Variants in GPD2 observed in about 807,000 individuals in gnomAD.
GPD2 encodes the protein glycerol-3-phosphate dehydrogenase, mitochondrial.
A neutral mutation model predicts 82.4 loss-of-function variants in GPD2; 54 were observed. That is an observed-to-expected ratio of 0.66 (90% CI 0.53 to 0.82). The LOEUF is 0.82. Ranked by LOEUF, GPD2 falls within the 40% of genes least tolerant of loss-of-function variation. The probability of loss-of-function intolerance (pLI) is 0.00; values close to 1 mark genes in which losing one functional copy is unlikely to be tolerated. For synonymous variants in GPD2, 288 were observed against 306.1 expected, an observed-to-expected ratio of 0.94 and a Z score of 0.62; for missense variants, 748 against 896.2, an observed-to-expected ratio of 0.83 and a Z score of 2.11.
intron 13 of GPD2, 74 bp from the exon 14 acceptor site, chr2:156,578,815 T>A: frequency 1.1e-6 from 1 of 871,208 alleles, no homozygotes; most frequent in Non-Finnish European, 2.0e-6. Context: ...TTTCTGAAGA[T>A]CAACAGTAAA....
chr2:156,535,326 GAGAGAGAGAGAGA>G (rs1189176366), intron 6 of GPD2, among the ~76,000 whole-genome samples: 2 of 89,492 alleles, frequency 2.2e-5, no homozygotes, highest in Non-Finnish European at 6.0e-5. Flanking sequence ...ACCTGGGAAA[GAGAGAGAGAGAGA>G]AGAGAGAGAA....
At chr2:156,498,986 G>T (rs184081394) in intron 3 of GPD2, among the ~76,000 whole-genome samples, 211 of 152,224 alleles carry the variant, frequency 1.4e-3, no homozygotes, top group African/African-American at 4.7e-3. Flanking sequence ...AAGGAACAAG[G>T]TCTTGTGAAA....
rs1301426931 is a variant in GPD2 at position 156,585,828 on chromosome 2, G to A, written c.*2910G>A. On this transcript the variant is annotated 3_prime_UTR_variant, in exon 17 of 17. Transcript: ENST00000438166. ...ATGTTTGCATCATGTCAACCTTTTT[G>A]AAGGAGTGAAAAAGCCCTACTATGT... 6.6e-6 allele frequency: 1 copy of A among 152,422 alleles called. No homozygotes were observed. The highest frequency in any genetic ancestry group is 2.4e-5 in the African/African-American group (1 of 41,388). The allele number at this position is 152,422 out of a possible 1,614,324, so 9.4% of individuals were successfully genotyped here.
chr2:156,404,785 C>T, the GPD2 span, among the ~76,000 whole-genome samples: 1 of 147,094 alleles, frequency 6.8e-6, no homozygotes, highest in South Asian at 2.1e-4. Context: ...ACCCAGGAGG[C>T]AGAGATTGCG....
At chr2:156,550,786 A>C in intron 8 of GPD2, 40 bp downstream of exon 8, 1 of 1,553,684 alleles carries the variant, frequency 6.4e-7, no homozygotes, top group Non-Finnish European at 8.9e-7. Context: ...CCCAAAAAAG[A>C]GGGTCAGCAG....
At chr2:156,582,673 TA>T in intron 16 of GPD2, 119 bp from the exon 17 acceptor site, 1 of 1,058,470 alleles carries the variant, frequency 9.4e-7, no homozygotes, top group Non-Finnish European at 1.5e-6. Flanking sequence ...TAGTACTTGT[TA>T]AGGTTTTTGA....
chr2:156,543,438 T>C (rs537186379), intron 6 of GPD2, among the ~76,000 whole-genome samples: 1 of 152,366 alleles, frequency 6.6e-6, no homozygotes, highest in South Asian at 2.1e-4. Context: ...CCCATAAGTC[T>C]GTAACTGTGT....
At chr2:156,499,187 G>T (rs1038868173) in intron 3 of GPD2, among the ~76,000 whole-genome samples, 4 of 152,238 alleles carry the variant, frequency 2.6e-5, no homozygotes, top group Admixed American at 2.6e-4. Flanking sequence ...TCATTGCAGA[G>T]AATGTGACAG....
In GPD2 at chr2:156,554,029, G is replaced by A. The variant is rs185789631; in HGVS notation, c.971+3283G>A. Reference sequence around the variant, plus strand: ...GGAAGCTTTGAAGGAATGGTCTGCAGCCTAGTTCCCATTCAGGCTCTCTTG... The same window carrying A: ...GGAAGCTTTGAAGGAATGGTCTGCAACCTAGTTCCCATTCAGGCTCTCTTG... On this transcript the variant is annotated intron_variant, in intron 8 of 16. Transcript: ENST00000438166. 2.6e-5 allele frequency among the ~76,000 whole-genome samples: 4 copies of A among 152,310 alleles called. No individual in the cohort carries two copies. In the East Asian group the frequency reaches 5.8e-4, roughly 22 times the overall value.
chr2:156,506,441 T>A (rs1194406985), intron 3 of GPD2, among the ~76,000 whole-genome samples: 1 of 152,208 alleles, frequency 6.6e-6, no homozygotes, highest in African/African-American at 2.4e-5. Flanking sequence ...GTACATGTGA[T>A]AACTTTTAAA....
At chr2:156,424,066 A>T in the GPD2 span, among the ~76,000 whole-genome samples, 1 of 152,186 alleles carries the variant, frequency 6.6e-6, no homozygotes, top group East Asian at 1.9e-4. Flanking sequence ...TTAGCTAATA[A>T]AGCAAACAAG....
At chr2:156,540,817 G>A (rs1011918220) in intron 6 of GPD2, among the ~76,000 whole-genome samples, 2 of 152,206 alleles carry the variant, frequency 1.3e-5, no homozygotes, top group Non-Finnish European at 2.9e-5. Context: ...TGGAGAGAGA[G>A]AAAAGGAGTA....
chr2:156,417,464 A>T, the GPD2 span, among the ~76,000 whole-genome samples: 1 of 152,168 alleles, frequency 6.6e-6, no homozygotes, highest in African/African-American at 2.4e-5. Flanking sequence ...TATCTTGTGT[A>T]TTCCAGTTCC....
At chr2:156,492,444 C>CTTT (rs79707384) in intron 2 of GPD2, among the ~76,000 whole-genome samples, 2 of 131,870 alleles carry the variant, frequency 1.5e-5, no homozygotes, top group Non-Finnish European at 1.6e-5. Context: ...TGCACCTGGC[C>CTTT]TTTTTTTTTT....
rs185376522 is a variant in GPD2, at chr2:156,571,798, C to T, written c.1767+506C>T. 4.6e-5 allele frequency among the ~76,000 whole-genome samples: 7 copies of T among 152,238 alleles called. No individual in the cohort carries two copies. In the East Asian group the frequency reaches 1.4e-3, roughly 29 times the overall value. ...ATACATATACACGCACACAAACACA[C>T]ATACAGGGTTAGGCTAAGTAGATCT... On this transcript the variant is annotated intron_variant, in intron 13 of 16. Coordinates refer to ENST00000438166, the MANE Select transcript of GPD2 (RefSeq NM_000408.5).
chr2:156,435,901 G>C (rs1252708612), upstream of GPD2: 1 of 152,394 alleles, frequency 6.6e-6, no homozygotes, highest in Non-Finnish European at 1.5e-5. Flanking sequence ...CAGGAAATCG[G>C]ACACCGCCAC....
the GPD2 span, among the ~76,000 whole-genome samples, chr2:156,424,732 T>C: frequency 1.3e-5 from 2 of 152,226 alleles, no homozygotes; most frequent in African/African-American, 4.8e-5. Context: ...AAAAGTATCT[T>C]ACACAAAAAT....
Position 156,476,109 on chromosome 2 carries a change from G to A in GPD2, c.4G>A (p.Ala2Thr), listed in dbSNP as rs901567676. M[A>T]FQKAVKGTIL... ...ATTTTTCTTTGTAGGCTAAGAAATG[G>A]CATTTCAAAAGGCAGTGAAAGGGAC... The change falls in exon 2 of 17, where the codon GCA becomes ACA. Residue 2 changes from alanine (A) to threonine (T), a missense_variant. Ala to Thr is a moderately conservative substitution (Grantham distance 58). This residue lies in a region of GPD2 where 692 missense variants were observed against 809.7 expected (regional missense o/e 0.85). Transcript: ENST00000438166. 2 of 1,573,578 alleles carry A rather than the reference G, an allele frequency of 1.3e-6. No individual in the cohort carries two copies. The highest frequency in any genetic ancestry group is 1.3e-5 in the African/African-American group (1 of 74,162).
At chr2:156,542,480 T>G (rs1686357856) in intron 6 of GPD2, among the ~76,000 whole-genome samples, 1 of 152,206 alleles carries the variant, frequency 6.6e-6, no homozygotes, top group Non-Finnish European at 1.5e-5. Context: ...GTTTCACCAG[T>G]CTATACTAGA....
Sources: allele counts gnomAD v4.1 joint callset (sites outside exome capture counted in the v4.1 genomes callset), GRCh38; gene constraint gnomAD v4.1.1; regional missense constraint gnomAD v4.1.1; transcripts MANE v1.5; gene names NCBI Gene and HGNC (gene_info 2026-07-23, HGNC 2026-07-21).